SLCO3A1: variants seen among roughly 807,000 people sequenced by gnomAD.
SLCO3A1 encodes PGE1 transporter.
SLCO3A1 carries 27 observed loss-of-function variants against 63.1 expected under a neutral mutation model. That is an observed-to-expected ratio of 0.43 (90% CI 0.32 to 0.59). The LOEUF is 0.59. SLCO3A1 is among the 20% of genes least tolerant of loss of function. The probability of loss-of-function intolerance (pLI) is 0.09; values close to 1 mark genes in which losing one functional copy is unlikely to be tolerated. For synonymous variants in SLCO3A1, 473 were observed against 409.9 expected, an observed-to-expected ratio of 1.15 and a Z score of -1.86; for missense variants, 773 against 945.8, an observed-to-expected ratio of 0.82 and a Z score of 2.40.
rs373943065 is a variant in SLCO3A1, at chr15:92,104,292, C to T, written c.759C>T (p.Ile253=). ...AVFIDTSNLD[I]TPDDPRWIGA... is the part of the protein sequence containing the mutation. ...TTCCATTTACAGGTAACCTGGACATCACTCCGGACGACCCCCGCTGGATCG... is the reference window on the plus strand; with the variant it reads ...TTCCATTTACAGGTAACCTGGACATTACTCCGGACGACCCCCGCTGGATCG... The change falls in exon 4 of 10, where the codon ATC becomes ATT. Residue 253 remains isoleucine (I), a synonymous_variant. Transcript: ENST00000318445. 9.3e-6 allele frequency: 15 copies of T among 1,614,006 alleles called. No individual in the cohort carries two copies. Among genetic ancestry groups the T allele is most frequent in the Non-Finnish European group, 1.3e-5 (15 of 1,180,022 alleles).
chr15:92,051,170 GC>G (rs1471974599), intron 2 of SLCO3A1, among the ~76,000 whole-genome samples: 1 of 152,204 alleles, frequency 6.6e-6, no homozygotes, highest in Admixed American at 6.5e-5. Context: ...CATATAGTAT[GC>G]TCAGGGTCCA....
chr15:92,130,673 C>G (rs549992987), intron 7 of SLCO3A1, among the ~76,000 whole-genome samples: 1 of 152,220 alleles, frequency 6.6e-6, no homozygotes, highest in Admixed American at 6.5e-5. Flanking sequence ...GGTAATGGGG[C>G]CTTCCGTGTG....
rs551221177 is a variant in SLCO3A1, at chr15:92,123,415, A to AAAAT, written c.1175-2630_1175-2627dup. On this transcript the variant is annotated intron_variant, in intron 5 of 9. Coordinates refer to ENST00000318445, the MANE Select transcript of SLCO3A1 (RefSeq NM_013272.4). The stretch of plus-strand genomic sequence containing the variant: ...AGAGTGAGACTTTGTCTCGAAAAAT[A>AAAAT]AAATAAATAAATAAATAAAATAAAA... Among the ~76,000 whole-genome samples the AAAAT allele has an allele frequency of 1.7e-3, 254 of 152,262 alleles. 1 individual carries two copies. The highest frequency in any genetic ancestry group is 3.4e-3 in the Middle Eastern group (1 of 294).
intron 1 of SLCO3A1, among the ~76,000 whole-genome samples, chr15:91,857,304 A>G (rs1358043938): frequency 6.6e-6 from 1 of 152,202 alleles, no homozygotes; most frequent in Non-Finnish European, 1.5e-5. Context: ...AAAGTAACCC[A>G]GGTGCAACCT....
At chr15:91,979,329 TCTAA>T (rs1901244958) in intron 2 of SLCO3A1, among the ~76,000 whole-genome samples, 1 of 152,220 alleles carries the variant, frequency 6.6e-6, no homozygotes, top group Admixed American at 6.5e-5. Flanking sequence ...GATACAATAG[TCTAA>T]CTAATTTTGT....
rs558476420 is a variant in SLCO3A1 at position 91,900,957 on chromosome 15, G to A, written c.181-15036G>A. On this transcript the variant is annotated intron_variant, in intron 1 of 9. Transcript: ENST00000318445. The surrounding 1 kb of genome is among the most constrained non-coding windows in gnomAD (Gnocchi z 4.3). ...ATATTATTGTTGTATTGTTTATTTCGCCTTTCATTTTGTCGATTTTTACTT... is the reference window on the plus strand; with the variant it reads ...ATATTATTGTTGTATTGTTTATTTCACCTTTCATTTTGTCGATTTTTACTT... 5.9e-5 allele frequency among the ~76,000 whole-genome samples: 9 copies of A among 152,048 alleles called. No individual in the cohort carries two copies. The highest frequency in any genetic ancestry group is 2.2e-4 in the African/African-American group (9 of 41,504).
intron 1 of SLCO3A1, among the ~76,000 whole-genome samples, chr15:91,857,033 TG>T (rs1455229733): frequency 1.2e-5 from 1 of 80,506 alleles, no homozygotes; most frequent in Non-Finnish European, 2.1e-5. Context: ...AGGACTCGTG[TG>T]TGTGTGTGTG....
At chr15:91,928,518 GA>G (rs2151388659) in intron 2 of SLCO3A1, among the ~76,000 whole-genome samples, 1 of 152,264 alleles carries the variant, frequency 6.6e-6, no homozygotes, top group South Asian at 2.1e-4. Context: ...CCCCAGGCAT[GA>G]TTACATCCAC....
chr15:91,951,529 T>A (rs1343185016), intron 2 of SLCO3A1, among the ~76,000 whole-genome samples: 5 of 151,810 alleles, frequency 3.3e-5, no homozygotes, highest in Non-Finnish European at 4.4e-5. Context: ...CGTGTATAAT[T>A]TTCTTTGTTT....
chr15:92,067,042 G>A (rs1325712944), intron 2 of SLCO3A1, among the ~76,000 whole-genome samples: 2 of 152,202 alleles, frequency 1.3e-5, no homozygotes, highest in Non-Finnish European at 2.9e-5. Flanking sequence ...TAAATATTAG[G>A]AGAGAAGAGT....
chr15:91,873,925 A>G (rs1432429260), intron 1 of SLCO3A1, among the ~76,000 whole-genome samples: 1 of 151,384 alleles, frequency 6.6e-6, no homozygotes, highest in Non-Finnish European at 1.5e-5. Context: ...TTTTTTCTTT[A>G]TTGTGGAAAA....
chr15:91,917,188 G>A (rs540458739), intron 2 of SLCO3A1, among the ~76,000 whole-genome samples: 1 of 152,030 alleles, frequency 6.6e-6, no homozygotes, highest in African/African-American at 2.4e-5. Flanking sequence ...GGCCAGCCCC[G>A]CATCTCTATC....
In SLCO3A1 at chr15:92,153,211, G is replaced by A. The variant is rs192089931; in HGVS notation, c.1753+2197G>A. Among the ~76,000 whole-genome samples, 553 of 151,164 alleles carry A rather than the reference G, an allele frequency of 3.7e-3. 2 individuals carry two copies. Among genetic ancestry groups the A allele is most frequent in the Non-Finnish European group, 6.2e-3 (420 of 67,898 alleles). On this transcript the variant is annotated intron_variant, in intron 9 of 9. Coordinates refer to ENST00000318445, the MANE Select transcript of SLCO3A1 (RefSeq NM_013272.4). ...CAAGTTTTGCATTATGGCCCAGTAC[G>A]CACATGCCTATGCCTAGATACAGCT...
chr15:92,009,133 A>C (rs1360502532), intron 2 of SLCO3A1, among the ~76,000 whole-genome samples: 2 of 152,220 alleles, frequency 1.3e-5, no homozygotes, highest in African/African-American at 4.8e-5. Flanking sequence ...GTCAAGGTCA[A>C]GGGCTGCATG....
At chr15:92,087,825 A>G (rs2047425220) in intron 2 of SLCO3A1, among the ~76,000 whole-genome samples, 1 of 152,128 alleles carries the variant, frequency 6.6e-6, no homozygotes, top group African/African-American at 2.4e-5. Flanking sequence ...AGCCCCATCT[A>G]TTATTATCTT....
intron 2 of SLCO3A1, among the ~76,000 whole-genome samples, chr15:92,077,861 A>G (rs1479880759): frequency 6.6e-6 from 1 of 152,032 alleles, no homozygotes; most frequent in Non-Finnish European, 1.5e-5. Context: ...TTCTGCTGCC[A>G]TTTCCCCTTT....
intron 2 of SLCO3A1, among the ~76,000 whole-genome samples, chr15:91,961,555 A>G (rs1014852830): frequency 1.3e-5 from 2 of 152,196 alleles, no homozygotes; most frequent in African/African-American, 4.8e-5. Context: ...TCTCACACTC[A>G]TAGGCACTTT....
chr15:92,087,157 C>G (rs1391725595), intron 2 of SLCO3A1, among the ~76,000 whole-genome samples: 1 of 151,204 alleles, frequency 6.6e-6, no homozygotes, highest in East Asian at 1.9e-4. Flanking sequence ...CCCACCACCC[C>G]CCTCCCTCCG....
At chr15:91,926,569 G>A (rs185873889) in intron 2 of SLCO3A1, among the ~76,000 whole-genome samples, 958 of 93,312 alleles carry the variant, frequency 0.01, 16 homozygotes, top group Non-Finnish European at 8.6e-3. Flanking sequence ...GTGTGTGTGT[G>A]TGTGTGTGTG....
Sources: allele counts gnomAD v4.1 joint callset (sites outside exome capture counted in the v4.1 genomes callset), GRCh38; gene constraint gnomAD v4.1.1; non-coding constraint Gnocchi (gnomAD v3.1); transcripts MANE v1.5; gene names NCBI Gene and HGNC (gene_info 2026-07-23, HGNC 2026-07-21).